Variants in SLC12A5 observed in about 807,000 individuals in gnomAD.
SLC12A5 encodes the protein K-Cl cotransporter 2.
SLC12A5 carries 18 observed loss-of-function variants against 124.0 expected under a neutral mutation model. That is an observed-to-expected ratio of 0.15 (90% CI 0.10 to 0.22). SLC12A5 has a LOEUF of 0.22. Ranked by LOEUF, SLC12A5 falls within the 10% of genes least tolerant of loss-of-function variation. The pLI is 1.00. For missense variants in SLC12A5, 867 were observed against 1,478.7 expected (o/e 0.59, Z 6.78); for synonymous variants, 589 against 568.0 (o/e 1.04, Z -0.53).
At chr20:46,037,202 T>C (rs1282180193) in intron 5 of SLC12A5, 53 bp from the exon 6 acceptor site, 1 of 1,546,436 alleles carries the variant, frequency 6.5e-7, no homozygotes, top group East Asian at 2.3e-5. Flanking sequence ...CCTCACCCCT[T>C]ACGGCAGCCC....
exon 1 of SLC12A5, chr20:46,021,860 G>A (rs1040806604): frequency 2.0e-6 from 3 of 1,530,784 alleles, no homozygotes; most frequent in Non-Finnish European, 2.6e-6. Flanking sequence ...GCAGACCCCC[G>A]CCACCTCCCG....
chr20:46,034,829 C>A, intron 1 of SLC12A5, 119 bp from the exon 2 acceptor site: 1 of 862,168 alleles, frequency 1.2e-6, no homozygotes, highest in Non-Finnish European at 1.9e-6. Flanking sequence ...TGGTATTAGC[C>A]CCATTTTCCC....
intron 1 of SLC12A5, among the ~76,000 whole-genome samples, chr20:46,029,860 G>GTGTA (rs2084430716): frequency 2.1e-5 from 2 of 93,096 alleles, no homozygotes; most frequent in African/African-American, 9.7e-5. Flanking sequence ...AGAGGTGGCT[G>GTGTA]TGTGTGTGTG....
chr20:46,035,632 G>T, intron 3 of SLC12A5, 97 bp downstream of exon 3: 1 of 1,500,840 alleles, frequency 6.7e-7, no homozygotes. Context: ...GGGAGGGAAA[G>T]GGGATACAAA....
chr20:46,057,552 C>T lies in SLC12A5; in HGVS notation c.3298C>T (p.Arg1100Trp). ...FLEVLTEHLD[R>W]VMLVRGGGRE... ...CGAGGTCCTCACAGAGCACCTGGAC[C>T]GGGTGATGCTGGTCCGCGGCGGCGG... The change falls in exon 26 of 26, where the codon CGG becomes TGG. Residue 1100 changes from arginine (R) to tryptophan (W), a missense_variant. Transcript: ENST00000243964. This position sits in a 1 kb window ranked among gnomAD's most constrained non-coding sequence, Gnocchi z 7.1. 2.5e-6 allele frequency: 4 copies of T among 1,614,124 alleles called. No individual in the cohort carries two copies. The highest frequency in any genetic ancestry group is 3.4e-6 in the Non-Finnish European group (4 of 1,180,014).
intron 8 of SLC12A5, 116 bp from the exon 9 acceptor site, chr20:46,043,037 G>A (rs2084561684): frequency 1.0e-6 from 1 of 979,448 alleles, no homozygotes; most frequent in Admixed American, 2.2e-5. Context: ...ATAAGGCCGG[G>A]GAGAGTGAGA....
Position 46,053,193 on chromosome 20 carries a change from T to G in SLC12A5, c.2547+67T>G. ...ATGCATGTATGCATTTGTGTGCATA[T>G]GTGCACAACTGCAGGTCAGACTCAG... is the stretch of plus-strand genomic sequence containing the variant. On this transcript the variant is annotated intron_variant, in intron 19 of 25. Transcript: ENST00000243964. This position sits in a 1 kb window ranked among gnomAD's most constrained non-coding sequence, Gnocchi z 4.7. 1 of 1,512,350 alleles carries G rather than the reference T, an allele frequency of 6.6e-7. No homozygotes were observed. The highest frequency in any genetic ancestry group is 2.3e-5 in the East Asian group (1 of 42,932). 93.7% of individuals were successfully genotyped at this position (1,512,350 alleles called of 1,614,324 possible). A position where few individuals can be genotyped will look rare whatever the true frequency, so the allele number is the denominator to read the frequency against.
chr20:46,058,236 A>T lies in SLC12A5; in HGVS notation c.*631A>T, dbSNP rs1600608905. ...CCGCTGGGGGCACTGCGGGGAGGCG[A>T]GGCCTCGGGAAGCTGAATTTTCCTT... On this transcript the variant is annotated 3_prime_UTR_variant, in exon 26 of 26. Transcript: ENST00000243964. This position sits in a 1 kb window ranked among gnomAD's most constrained non-coding sequence, Gnocchi z 5.8. The T allele has an allele frequency of 2.6e-6, 1 of 381,650 alleles. No homozygotes were observed. Among genetic ancestry groups the T allele is most frequent in the Non-Finnish European group, 4.6e-6 (1 of 215,634 alleles). 23.6% of individuals were successfully genotyped at this position (381,650 alleles called of 1,614,324 possible).
chr20:46,025,688 G>A (rs2084391564), upstream of SLC12A5, among the ~76,000 whole-genome samples: 1 of 152,208 alleles, frequency 6.6e-6, no homozygotes, highest in South Asian at 2.1e-4. Flanking sequence ...ACCCCCGGTT[G>A]CCACGGAGAC....
At chr20:46,044,066 T>A in intron 11 of SLC12A5, 133 bp downstream of exon 11, 1 of 719,124 alleles carries the variant, frequency 1.4e-6, no homozygotes, top group Non-Finnish European at 2.2e-6. Context: ...GGGGATTGCT[T>A]GCAAAGTCAT....
At chr20:46,049,280 G>A (rs1244618680) in intron 16 of SLC12A5, among the ~76,000 whole-genome samples, 1 of 152,176 alleles carries the variant, frequency 6.6e-6, no homozygotes, top group Non-Finnish European at 1.5e-5. Context: ...ATGTACACGT[G>A]GGCGGGCAAA....
intron 2 of SLC12A5, 61 bp from the exon 3 acceptor site, chr20:46,035,343 G>A (rs1010736863): frequency 7.3e-5 from 114 of 1,567,808 alleles, no homozygotes; most frequent in South Asian, 2.4e-4. Flanking sequence ...TCTGCCCTTC[G>A]CCACCCAGCT....
At chr20:46,033,154 C>T (rs536770183) in intron 1 of SLC12A5, among the ~76,000 whole-genome samples, 1 of 152,156 alleles carries the variant, frequency 6.6e-6, no homozygotes, top group Admixed American at 6.5e-5. Context: ...ATAACAGAGA[C>T]AGGCCATGCT....
chr20:46,057,999 T>C lies in SLC12A5; in HGVS notation c.*394T>C. ...TCCCGCCGCGGTCCTCGCTCTGCGC[T>C]CCTCCGGCGCTGCTCCCTGGCTCCC... On this transcript the variant is annotated 3_prime_UTR_variant, in exon 26 of 26. Transcript: ENST00000243964. The surrounding 1 kb of genome is among the most constrained non-coding windows in gnomAD (Gnocchi z 7.1). 1 of 181,824 alleles carries C rather than the reference T, an allele frequency of 5.5e-6. No homozygotes were observed. The allele number at this position is 181,824 out of a possible 1,614,324, so 11.3% of individuals were successfully genotyped here. A position where few individuals can be genotyped will look rare whatever the true frequency, so the allele number is the denominator to read the frequency against.
In SLC12A5 at chr20:46,059,253, C is replaced by T. The variant is rs906992106; in HGVS notation, c.*1648C>T. On this transcript the variant is annotated 3_prime_UTR_variant, in exon 26 of 26. Transcript: ENST00000243964. ...CCCAGAGCTGGCGCCACTGAGTAAT[C>T]CGGACCTCACCACCTCTTTTCCTTT... The T allele has an allele frequency of 1.4e-5, 4 of 282,064 alleles. No individual in the cohort carries two copies. The South Asian group carries it at 5.0e-4, about 35-fold the overall frequency. 17.5% of individuals were successfully genotyped at this position (282,064 alleles called of 1,614,324 possible).
chr20:46,040,026 T>A (rs113392674), intron 6 of SLC12A5, among the ~76,000 whole-genome samples: 96 of 152,334 alleles, frequency 6.3e-4, no homozygotes, highest in Middle Eastern at 6.8e-3. Context: ...TGTCATTTTT[T>A]AAAAAATGTA....
chr20:46,051,977 C>T (rs1171438747), intron 18 of SLC12A5, 107 bp downstream of exon 18: 12 of 979,374 alleles, frequency 1.2e-5, no homozygotes, highest in East Asian at 2.9e-5. Context: ...CCAAGCACTG[C>T]GTGCCAAGTG....
chr20:46,024,509 C>A (rs1304779052), upstream of SLC12A5, among the ~76,000 whole-genome samples: 1 of 152,216 alleles, frequency 6.6e-6, no homozygotes, highest in Non-Finnish European at 1.5e-5. Context: ...AGCCCTCTAG[C>A]CCCTGATAGA....
At position 46,051,571 on chromosome 20, in the gene SLC12A5, T is replaced by C. The variant is rs1033314598; in HGVS notation, c.2182-104T>C. The stretch of plus-strand genomic sequence containing the variant: ...TGATCAGAGCTGAGCTTCAGGAAGA[T>C]TGGGATGAAAGGAGGGGAGAGATGG... On this transcript the variant is annotated intron_variant, in intron 17 of 25. Transcript: ENST00000243964. 32 of 1,072,694 alleles carry C rather than the reference T, an allele frequency of 3.0e-5. No individual in the cohort carries two copies. The African/African-American group carries it at 3.6e-4, about 12-fold the overall frequency. 66.4% of individuals were successfully genotyped at this position (1,072,694 alleles called of 1,614,324 possible). A position where few individuals can be genotyped will look rare whatever the true frequency, so the allele number is the denominator to read the frequency against.
Sources: gnomAD v4.1 joint callset for allele counts (sites outside exome capture counted in the v4.1 genomes callset) on GRCh38, gnomAD v4.1.1 for gene constraint, Gnocchi (gnomAD v3.1) non-coding constraint, MANE v1.5 for transcripts, NCBI Gene and HGNC (gene_info 2026-07-23, HGNC 2026-07-21) for gene names.